Variants in ZC3H8 observed in about 807,000 individuals in gnomAD.
ZC3H8 encodes zinc finger CCCH domain-containing protein 8.
ZC3H8 carries 27 observed loss-of-function variants against 42.5 expected under a neutral mutation model. That is an observed-to-expected ratio of 0.64 (90% CI 0.47 to 0.88). The LOEUF (loss-of-function observed/expected upper bound fraction) is 0.88, where lower values mean the gene tolerates loss of function less well. ZC3H8 is among the 40% of genes least tolerant of loss of function. The pLI, the probability that ZC3H8 is intolerant of heterozygous loss-of-function variation, is 0.00. For synonymous variants in ZC3H8, 101 were observed against 110.1 expected, an observed-to-expected ratio of 0.92 and a Z score of 0.52; for missense variants, 277 against 336.1, an observed-to-expected ratio of 0.82 and a Z score of 1.37.
At chr2:112,247,627 A>T (rs1318517445) in intron 2 of ZC3H8, among the ~76,000 whole-genome samples, 1 of 152,202 alleles carries the variant, frequency 6.6e-6, no homozygotes, top group Non-Finnish European at 1.5e-5. Context: ...TTATTTGATA[A>T]TGTATTCACC....
rs1389869874 is a variant in ZC3H8, at chr2:112,215,568, A to G, written c.*916T>C. 4.6e-5 allele frequency: 7 copies of G among 152,232 alleles called. No individual in the cohort carries two copies. The highest frequency in any genetic ancestry group is 1.7e-4 in the African/African-American group (7 of 41,464). The allele number at this position is 152,232 out of a possible 1,614,324, so 9.4% of individuals were successfully genotyped here. A position where few individuals can be genotyped will look rare whatever the true frequency, so the allele number is the denominator to read the frequency against. On this transcript the variant is annotated 3_prime_UTR_variant, in exon 9 of 9. Transcript: ENST00000409573. Reference sequence around the variant, plus strand: ...CTTTGGTGTACTCTGTATGTCCAGCAAGTTGGTAATACTATTACTTTTCCC... The same window carrying G: ...CTTTGGTGTACTCTGTATGTCCAGCGAGTTGGTAATACTATTACTTTTCCC...
At chr2:112,237,561 G>T (rs1685392530) in intron 3 of ZC3H8, among the ~76,000 whole-genome samples, 5 of 150,022 alleles carry the variant, frequency 3.3e-5, no homozygotes, top group Admixed American at 1.3e-4. Flanking sequence ...ACAAAAAAAT[G>T]ACAGCATTAA....
intron 2 of ZC3H8, among the ~76,000 whole-genome samples, chr2:112,241,447 CT>C (rs914807335): frequency 1.2e-4 from 18 of 152,186 alleles, no homozygotes; most frequent in Admixed American, 2.0e-4. Flanking sequence ...AGACCCCCCC[CT>C]CAAGGGCCTA....
intron 1 of ZC3H8, chr2:112,254,218 G>T: frequency 1.1e-6 from 1 of 905,138 alleles, no homozygotes; most frequent in Non-Finnish European, 1.3e-6. Flanking sequence ...AATAAAAGAC[G>T]TAGGTTTAAG....
chr2:112,230,971 CAT>C (rs1685060451), intron 7 of ZC3H8, 21 bp from the exon 8 acceptor site: 5 of 1,210,074 alleles, frequency 4.1e-6, no homozygotes, highest in African/African-American at 3.2e-5. Context: ...AAAAAAATCA[CAT>C]AATCATTTTT....
intron 8 of ZC3H8, among the ~76,000 whole-genome samples, chr2:112,222,730 G>A (rs1339794581): frequency 6.6e-6 from 1 of 152,138 alleles, no homozygotes; most frequent in Non-Finnish European, 1.5e-5. Flanking sequence ...AAAATCACAA[G>A]AGACAGAAAA....
At chr2:112,230,859 T>C (rs1320071226) in intron 8 of ZC3H8, 44 bp downstream of exon 8, 25 of 1,234,078 alleles carry the variant, frequency 2.0e-5, no homozygotes, top group Admixed American at 7.9e-5. Flanking sequence ...CTTCTGGAGA[T>C]GTTCAGACAA....
At chr2:112,221,617 C>T (rs185543374) in intron 8 of ZC3H8, among the ~76,000 whole-genome samples, 245 of 152,186 alleles carry the variant, frequency 1.6e-3, no homozygotes, top group African/African-American at 5.5e-3. Context: ...AGCCAGTCTT[C>T]CAGCTCTGAG....
chr2:112,224,695 A>G (rs1388730313), intron 8 of ZC3H8, among the ~76,000 whole-genome samples: 1 of 152,238 alleles, frequency 6.6e-6, no homozygotes, highest in Non-Finnish European at 1.5e-5. Context: ...GCTTGAAAAC[A>G]CCATACTGAG....
intron 4 of ZC3H8, 149 bp downstream of exon 4, chr2:112,236,413 G>T: frequency 1.0e-6 from 1 of 988,082 alleles, no homozygotes; most frequent in Non-Finnish European, 1.4e-6. Context: ...AGAACCCAGT[G>T]ACAGTAAAAG....
chr2:112,243,707 T>C (rs766102243), intron 2 of ZC3H8, among the ~76,000 whole-genome samples: 3 of 152,116 alleles, frequency 2.0e-5, no homozygotes, highest in Non-Finnish European at 4.4e-5. Flanking sequence ...AATACGTACA[T>C]AACATCCTCA....
At chr2:112,228,732 T>A (rs1684958915) in intron 8 of ZC3H8, among the ~76,000 whole-genome samples, 1 of 151,742 alleles carries the variant, frequency 6.6e-6, no homozygotes, top group African/African-American at 2.4e-5. Flanking sequence ...AAGAGAAAAC[T>A]GATAAACTGT....
Position 112,236,678 on chromosome 2 carries a change from TA to T in ZC3H8, c.387del (p.Asn129LysfsTer16). ...KDTPQAAKQK[N>X]KNLKAGHKNG... ...TTCTTGTGACCAGCTTTAAGATTTT[TA>T]TTTTTTTGTTTAGCAGCTAAAAACA... is the stretch of plus-strand genomic sequence containing the variant. On this transcript the variant is annotated frameshift_variant, in exon 4 of 9. Coordinates refer to ENST00000409573, the MANE Select transcript of ZC3H8 (RefSeq NM_032494.3). LOFTEE classifies it high-confidence loss of function. 6.2e-7 allele frequency: 1 copy of T among 1,611,086 alleles called. No homozygotes were observed. The highest frequency in any genetic ancestry group is 8.5e-7 in the Non-Finnish European group (1 of 1,178,822).
intron 4 of ZC3H8, among the ~76,000 whole-genome samples, chr2:112,235,251 A>T (rs1156413996): frequency 6.6e-6 from 1 of 152,234 alleles, no homozygotes; most frequent in African/African-American, 2.4e-5. Context: ...TAGCACCATC[A>T]AATTTATGTC....
At chr2:112,238,282 A>G (rs1211368395) in intron 3 of ZC3H8, 33 bp downstream of exon 3, 7 of 1,597,876 alleles carry the variant, frequency 4.4e-6, no homozygotes, top group South Asian at 1.1e-5. Flanking sequence ...TTCTCTAGAT[A>G]AACTTTAAAT....
chr2:112,230,172 T>C (rs1387188235), intron 8 of ZC3H8, among the ~76,000 whole-genome samples: 1 of 152,218 alleles, frequency 6.6e-6, no homozygotes, highest in East Asian at 1.9e-4. Context: ...AGTTACGAGA[T>C]TCTATTTTTA....
At chr2:112,226,582 T>C (rs1684848742) in intron 8 of ZC3H8, among the ~76,000 whole-genome samples, 1 of 12,638 alleles carries the variant, frequency 7.9e-5, no homozygotes. Flanking sequence ...GAGCCAAGAC[T>C]CCATCTCAAA....
intron 2 of ZC3H8, among the ~76,000 whole-genome samples, chr2:112,249,433 G>A (rs1685869539): frequency 6.6e-6 from 1 of 151,950 alleles, no homozygotes; most frequent in Non-Finnish European, 1.5e-5. Context: ...ATAAAGTTCT[G>A]GGGTTTTTTT....
rs1166711844 is a variant in ZC3H8, at chr2:112,213,775, C to CAAA, written c.*2706_*2708dup. On this transcript the variant is annotated 3_prime_UTR_variant, in exon 9 of 9. Coordinates refer to ENST00000409573, the MANE Select transcript of ZC3H8 (RefSeq NM_032494.3). ...TGGGCGACAGAGCGAGACTCCGTCT[C>CAAA]AAAAAAAAAAAAAAAAAAAAAAAAA... 92 of 24,086 alleles carry CAAA rather than the reference C, an allele frequency of 3.8e-3. 15 individuals are homozygous for CAAA. The highest frequency in any genetic ancestry group is 5.6e-3 in the East Asian group (2 of 358). The allele number at this position is 24,086 out of a possible 1,614,324, so 1.5% of individuals were successfully genotyped here.
Sources: gnomAD v4.1 joint callset for allele counts (sites outside exome capture counted in the v4.1 genomes callset) on GRCh38, gnomAD v4.1.1 for gene constraint, MANE v1.5 for transcripts, NCBI Gene and HGNC (gene_info 2026-07-23, HGNC 2026-07-21) for gene names.